TWIST2: variants seen among roughly 807,000 people sequenced by gnomAD.
The protein encoded by TWIST2 is twist family bHLH transcription factor 2, also known as twist-related protein 2.
In TWIST2, 1 loss-of-function variant was observed where a neutral mutation model predicts 11.6. The ratio of observed to expected loss-of-function variants is 0.09; its 90% CI spans 0.03 to 0.41. The LOEUF (loss-of-function observed/expected upper bound fraction) is 0.41. Ranked by LOEUF, TWIST2 falls within the 10% of genes least tolerant of loss-of-function variation. TWIST2 has a pLI of 0.98. For missense variants in TWIST2, 168 were observed against 226.4 expected (o/e 0.74, Z 1.66); for synonymous variants, 87 against 96.6 (o/e 0.90, Z 0.58).
intron 1 of TWIST2, among the ~76,000 whole-genome samples, chr2:238,878,645 T>G (rs956221420): frequency 6.6e-6 from 1 of 152,252 alleles, no homozygotes; most frequent in African/African-American, 2.4e-5. Context: ...CTCCTCATGT[T>G]AACCTGGAGT....
rs537484665 is a variant in TWIST2, at chr2:238,869,867, G to A, written c.*35+21134G>A. On this transcript the variant is annotated intron_variant, in intron 1 of 1. Coordinates refer to ENST00000612363, the MANE Select transcript of TWIST2 (RefSeq NM_001271893.4). ...AGAGGCTGAGGCAGGAGGATCACTT[G>A]AGTCCAGGAGTTTGAGGTTACAGTG... Among the ~76,000 whole-genome samples, 11 of 152,208 alleles carry A rather than the reference G, an allele frequency of 7.2e-5. No individual in the cohort carries two copies. The East Asian group carries it at 1.7e-3, about 24-fold the overall frequency.
chr2:238,882,704 A>T (rs941933331), intron 1 of TWIST2, among the ~76,000 whole-genome samples: 1 of 152,184 alleles, frequency 6.6e-6, no homozygotes, highest in African/African-American at 2.4e-5. Context: ...AAAGGAGCAA[A>T]TGCGTTTGTA....
At chr2:238,904,480 C>T (rs1378479630) in intron 1 of TWIST2, among the ~76,000 whole-genome samples, 3 of 149,240 alleles carry the variant, frequency 2.0e-5, no homozygotes, top group Non-Finnish European at 4.5e-5. Context: ...TGTCTGTGTG[C>T]GTGTTCGTGT....
chr2:238,902,238 T>C (rs1377812115), intron 1 of TWIST2, among the ~76,000 whole-genome samples: 1 of 145,332 alleles, frequency 6.9e-6, no homozygotes, highest in Non-Finnish European at 1.5e-5. Context: ...GTGTGTGTGA[T>C]GTGTGTGGTA....
intron 1 of TWIST2, among the ~76,000 whole-genome samples, chr2:238,874,759 T>C (rs1440154755): frequency 6.6e-6 from 1 of 151,944 alleles, no homozygotes; most frequent in Non-Finnish European, 1.5e-5. Flanking sequence ...GGTAGAAGAG[T>C]TGCCTGCCCT....
At chr2:238,881,663 C>T (rs1414544811) in intron 1 of TWIST2, among the ~76,000 whole-genome samples, 1 of 152,114 alleles carries the variant, frequency 6.6e-6, no homozygotes, top group Non-Finnish European at 1.5e-5. Flanking sequence ...TCTGGCTGGG[C>T]TGGGCTGGTG....
Position 238,866,349 on chromosome 2 carries a change from A to C in TWIST2, c.*35+17616A>C, listed in dbSNP as rs1419251976. On this transcript the variant is annotated intron_variant, in intron 1 of 1. Transcript: ENST00000612363. The surrounding 1 kb of genome is among the most constrained non-coding windows in gnomAD (Gnocchi z 4.9). The stretch of plus-strand genomic sequence containing the variant: ...GGGGTGAGGAGATGAGCAAACCCAC[A>C]TGCTTGTTCTTAAAGCATGGCACCT... 1.3e-5 allele frequency among the ~76,000 whole-genome samples: 2 copies of C among 152,188 alleles called. No individual in the cohort carries two copies. The highest frequency in any genetic ancestry group is 3.9e-4 in the East Asian group (2 of 5,188).
intron 1 of TWIST2, among the ~76,000 whole-genome samples, chr2:238,887,857 C>T (rs1693069519): frequency 6.6e-6 from 1 of 152,244 alleles, no homozygotes; most frequent in African/African-American, 2.4e-5. Context: ...GCTGCATGAA[C>T]CTCCTGAGAT....
intron 1 of TWIST2, among the ~76,000 whole-genome samples, chr2:238,905,907 G>GCA (rs1559285430): frequency 0.073 from 3,204 of 44,190 alleles, 49 homozygotes; most frequent in South Asian, 0.15. Context: ...GTGTGTGCGT[G>GCA]TGTGTGCGTG....
chr2:238,855,793 G>A (rs929786489), intron 1 of TWIST2, among the ~76,000 whole-genome samples: 8 of 152,130 alleles, frequency 5.3e-5, no homozygotes, highest in Admixed American at 2.0e-4. Flanking sequence ...CAGAATGGCC[G>A]AGGACCCTCT....
At chr2:238,877,779 T>C (rs1033318284) in intron 1 of TWIST2, among the ~76,000 whole-genome samples, 2 of 152,228 alleles carry the variant, frequency 1.3e-5, no homozygotes, top group African/African-American at 4.8e-5. Context: ...ATATATTTAA[T>C]GAAATGTTTA....
intron 1 of TWIST2, among the ~76,000 whole-genome samples, chr2:238,852,414 A>T (rs1692258236): frequency 6.6e-6 from 1 of 152,214 alleles, no homozygotes; most frequent in South Asian, 2.1e-4. Context: ...AGCAAACCAA[A>T]TACAGAACTC....
At chr2:238,882,535 C>T (rs1057445051) in intron 1 of TWIST2, among the ~76,000 whole-genome samples, 7 of 152,060 alleles carry the variant, frequency 4.6e-5, no homozygotes, top group African/African-American at 1.7e-4. Context: ...AACATTGACT[C>T]ATGTTAGGAT....
chr2:238,875,427 A>G (rs536690641), intron 1 of TWIST2, among the ~76,000 whole-genome samples: 7 of 152,266 alleles, frequency 4.6e-5, no homozygotes, highest in African/African-American at 1.7e-4. Flanking sequence ...CTAGCGGAAA[A>G]TGGATTCAAC....
chr2:238,908,926 G>A (rs1275888859), intron 1 of TWIST2, among the ~76,000 whole-genome samples: 2 of 150,936 alleles, frequency 1.3e-5, no homozygotes, highest in African/African-American at 2.5e-5. Context: ...TGGCAGTGTG[G>A]TGTGTTTGTG....
intron 1 of TWIST2, among the ~76,000 whole-genome samples, chr2:238,872,832 G>A (rs1259061259): frequency 2.0e-5 from 3 of 152,184 alleles, no homozygotes; most frequent in South Asian, 2.1e-4. Context: ...CACACGCTCC[G>A]CAGATGGTTT....
chr2:238,855,791 C>T (rs1692319059), intron 1 of TWIST2, among the ~76,000 whole-genome samples: 1 of 152,148 alleles, frequency 6.6e-6, no homozygotes, highest in South Asian at 2.1e-4. Flanking sequence ...TACAGAATGG[C>T]CGAGGACCCT....
At position 238,863,082 on chromosome 2, in the gene TWIST2, A is replaced by T. The variant is rs1692463475; in HGVS notation, c.*35+14349A>T. 6.6e-6 allele frequency among the ~76,000 whole-genome samples: 1 copy of T among 150,940 alleles called. No individual in the cohort carries two copies. The highest frequency in any genetic ancestry group is 1.9e-4 in the East Asian group (1 of 5,156). Reference sequence around the variant, plus strand: ...TCTAGATTTTCTACAGATGCCCTGTATTACTTCTGCAATTTGAGAACACAA... The same window carrying T: ...TCTAGATTTTCTACAGATGCCCTGTTTTACTTCTGCAATTTGAGAACACAA... On this transcript the variant is annotated intron_variant, in intron 1 of 1. Transcript: ENST00000612363. This position sits in a 1 kb window ranked among gnomAD's most constrained non-coding sequence, Gnocchi z 4.7.
chr2:238,893,766 C>T (rs879065828), intron 1 of TWIST2, among the ~76,000 whole-genome samples: 15,695 of 152,270 alleles, frequency 0.1, 1,082 homozygotes, highest in Middle Eastern at 0.18. Flanking sequence ...TTTCGCTGTC[C>T]CACCAAACGT....
Sources: allele counts gnomAD v4.1 joint callset (sites outside exome capture counted in the v4.1 genomes callset), GRCh38; gene constraint gnomAD v4.1.1; non-coding constraint Gnocchi (gnomAD v3.1); transcripts MANE v1.5; gene names NCBI Gene and HGNC (gene_info 2026-07-23, HGNC 2026-07-21).